RBPMS: variants seen among roughly 807,000 people sequenced by gnomAD.
The protein encoded by RBPMS is RNA-binding protein with multiple splicing.
Under a neutral mutation model 26.8 loss-of-function variants are expected in RBPMS, and 7 were observed. The ratio of observed to expected loss-of-function variants is 0.26; its 90% CI spans 0.15 to 0.49. The LOEUF (loss-of-function observed/expected upper bound fraction) is 0.49, where lower values mean the gene tolerates loss of function less well. Among genes scored for constraint, RBPMS ranks in the 20% least tolerant of loss-of-function variants. RBPMS has a pLI of 0.98. For synonymous variants in RBPMS, 96 were observed against 93.3 expected (o/e 1.03, Z -0.17); for missense variants, 186 against 250.0 (o/e 0.74, Z 1.73).
chr8:30,470,531 A>G (rs1231699970), intron 1 of RBPMS, among the ~76,000 whole-genome samples: 1 of 152,196 alleles, frequency 6.6e-6, no homozygotes, highest in Non-Finnish European at 1.5e-5. Context: ...CTAGGACTCC[A>G]AGCACATTAT....
intron 4 of RBPMS, among the ~76,000 whole-genome samples, chr8:30,490,861 C>T (rs190947094): frequency 3.3e-5 from 5 of 152,188 alleles, no homozygotes; most frequent in Non-Finnish European, 7.4e-5. Context: ...TGTGTAGTGG[C>T]GAGATAGGTT....
intron 5 of RBPMS, 142 bp from the exon 6 acceptor site, chr8:30,544,351 CA>C (rs1825687625): frequency 1.2e-6 from 1 of 845,290 alleles, no homozygotes; most frequent in Admixed American, 2.2e-5. Context: ...GGACCAAAGC[CA>C]ACAAACAACA....
chr8:30,409,888 C>T (rs1809108227), intron 1 of RBPMS, among the ~76,000 whole-genome samples: 1 of 152,136 alleles, frequency 6.6e-6, no homozygotes, highest in Admixed American at 6.5e-5. Context: ...ACCTTGGCCT[C>T]CCAAAGTGCT....
intron 1 of RBPMS, among the ~76,000 whole-genome samples, chr8:30,446,191 A>G (rs1286987539): frequency 1.3e-5 from 2 of 152,152 alleles, no homozygotes; most frequent in Non-Finnish European, 2.9e-5. Flanking sequence ...TCGTTTTATT[A>G]TGGTAGTTAT....
chr8:30,544,343 A>T (rs1318009198), intron 5 of RBPMS, 151 bp from the exon 6 acceptor site: 1 of 801,262 alleles, frequency 1.2e-6, no homozygotes, highest in African/African-American at 1.7e-5. Context: ...CATTTGTGGG[A>T]CCAAAGCCAA....
At chr8:30,483,176 C>T (rs1818450532) in intron 4 of RBPMS, among the ~76,000 whole-genome samples, 1 of 152,264 alleles carries the variant, frequency 6.6e-6, no homozygotes, top group South Asian at 2.1e-4. Flanking sequence ...ACCTAGAGAT[C>T]TCTGTAATGA....
At chr8:30,491,699 C>T (rs990530545) in intron 4 of RBPMS, among the ~76,000 whole-genome samples, 1 of 151,982 alleles carries the variant, frequency 6.6e-6, no homozygotes, top group Non-Finnish European at 1.5e-5. Flanking sequence ...CTGCACCAGC[C>T]ACTAATAAAA....
intron 4 of RBPMS, among the ~76,000 whole-genome samples, chr8:30,503,873 G>C (rs1403994078): frequency 6.6e-6 from 1 of 152,164 alleles, no homozygotes; most frequent in Non-Finnish European, 1.5e-5. Context: ...AAATAGACTT[G>C]TCTTGCGCTA....
chr8:30,430,294 A>G (rs755255516), intron 1 of RBPMS, among the ~76,000 whole-genome samples: 13 of 152,214 alleles, frequency 8.5e-5, no homozygotes, highest in Admixed American at 3.3e-4. Flanking sequence ...CCTGTTGTCA[A>G]TAGAGAAGAG....
At chr8:30,487,298 T>G (rs568200585) in intron 4 of RBPMS, among the ~76,000 whole-genome samples, 9 of 152,328 alleles carry the variant, frequency 5.9e-5, no homozygotes, top group African/African-American at 9.6e-5. Context: ...AGAGTTCCCT[T>G]TCACACACTG....
chr8:30,385,067 C>A lies in RBPMS; in HGVS notation c.-26C>A. On this transcript the variant is annotated 5_prime_UTR_variant, in exon 1 of 9. Coordinates refer to ENST00000397323, the MANE Select transcript of RBPMS (RefSeq NM_001008710.3). The stretch of plus-strand genomic sequence containing the variant: ...CCCAGCCCCGCGCCCCAGCCCTGCC[C>A]GGCCCGGCGAGGAAGGACCGGGAAG... The A allele has an allele frequency of 6.7e-7, 1 of 1,498,044 alleles. No individual in the cohort carries two copies. Among genetic ancestry groups the A allele is most frequent in the Non-Finnish European group, 8.9e-7 (1 of 1,122,354 alleles). The allele number at this position is 1,498,044 out of a possible 1,614,324, so 92.8% of individuals were successfully genotyped here.
At chr8:30,501,438 A>T (rs188545783) in intron 4 of RBPMS, among the ~76,000 whole-genome samples, 200 of 152,070 alleles carry the variant, frequency 1.3e-3, no homozygotes, top group African/African-American at 4.4e-3. Context: ...GACGAACAAG[A>T]ATATGTTGTT....
chr8:30,386,225 GATC>G (rs1807061488), intron 1 of RBPMS, among the ~76,000 whole-genome samples: 2 of 152,194 alleles, frequency 1.3e-5, no homozygotes, highest in African/African-American at 2.4e-5. Context: ...AGAATGTTGA[GATC>G]ATTGTTGAGA....
Position 30,504,327 on chromosome 8 carries a change from A to G in RBPMS, c.288A>G (p.Leu96=), listed in dbSNP as rs376756594. The G allele has an allele frequency of 6.2e-5, 100 of 1,614,248 alleles. 2 individuals carry two copies. In the South Asian group the frequency reaches 1.0e-3, roughly 17 times the overall value. The change falls in exon 5 of 9, where the codon CTA becomes CTG. Residue 96 remains leucine, a synonymous_variant. Coordinates refer to ENST00000397323, the MANE Select transcript of RBPMS (RefSeq NM_001008710.3). ...FDPEIPQTLR[L]EFAKANTKMA... ...CTGAAATTCCGCAAACACTACGACT[A>G]GAGTTTGCTAAGGCAAACACGAAGA...
intron 5 of RBPMS, among the ~76,000 whole-genome samples, chr8:30,542,687 A>G (rs1030919587): frequency 2.0e-5 from 3 of 152,244 alleles, no homozygotes; most frequent in South Asian, 2.1e-4. Context: ...CAACAATAAT[A>G]GTTTGGCATT....
At chr8:30,483,587 A>G (rs1563362515) in intron 4 of RBPMS, among the ~76,000 whole-genome samples, 1 of 151,848 alleles carries the variant, frequency 6.6e-6, no homozygotes, top group Non-Finnish European at 1.5e-5. Context: ...ATATTACATT[A>G]TTTTTTTTAA....
At chr8:30,554,331 A>G (rs1826654891) in intron 6 of RBPMS, among the ~76,000 whole-genome samples, 1 of 152,194 alleles carries the variant, frequency 6.6e-6, no homozygotes, top group Non-Finnish European at 1.5e-5. Context: ...CCAGACCAGC[A>G]TTTCTCAACA....
intron 5 of RBPMS, among the ~76,000 whole-genome samples, chr8:30,514,680 CTTTTTTTTTTTTT>C (rs577244764): frequency 7.3e-5 from 6 of 82,650 alleles, no homozygotes; most frequent in African/African-American, 3.2e-4. Context: ...CCATGCCGGG[CTTTTTTTTTTTTT>C]TTTTTTTTTT....
At position 30,467,985 on chromosome 8, in the gene RBPMS, C is replaced by CT. The variant is rs34113295; in HGVS notation, c.67-6784dup. 7.2e-4 allele frequency among the ~76,000 whole-genome samples: 107 copies of CT among 149,466 alleles called. 1 individual carries two copies. In the South Asian group the frequency reaches 0.018, roughly 25 times the overall value. The stretch of plus-strand genomic sequence containing the variant: ...AATTTGGTATGTATTCCTTTGATAC[C>CT]TTTTTTTTTTCCCTTGAGCATGTAC... On this transcript the variant is annotated intron_variant, in intron 1 of 8. Coordinates refer to ENST00000397323, the MANE Select transcript of RBPMS (RefSeq NM_001008710.3).
Sources: allele counts gnomAD v4.1 joint callset (sites outside exome capture counted in the v4.1 genomes callset), GRCh38; gene constraint gnomAD v4.1.1; transcripts MANE v1.5; gene names NCBI Gene and HGNC (gene_info 2026-07-23, HGNC 2026-07-21).